SLAMF1: variants seen among roughly 807,000 people sequenced by gnomAD.
SLAMF1 encodes the protein signaling lymphocytic activation molecule.
SLAMF1 carries 18 observed loss-of-function variants against 35.1 expected under a neutral mutation model. The ratio of observed to expected loss-of-function variants is 0.51; its 90% CI spans 0.35 to 0.76. The LOEUF (loss-of-function observed/expected upper bound fraction) is 0.76, where lower values mean the gene tolerates loss of function less well. Among genes scored for constraint, SLAMF1 ranks in the 30% least tolerant of loss-of-function variants. The pLI is 0.01. For missense variants in SLAMF1, 392 were observed against 413.0 expected, an observed-to-expected ratio of 0.95 and a Z score of 0.44; for synonymous variants, 168 against 157.2, an observed-to-expected ratio of 1.07 and a Z score of -0.51.
chr1:160,612,824 A>T (rs1285269850), intron 5 of SLAMF1, among the ~76,000 whole-genome samples: 1 of 152,134 alleles, frequency 6.6e-6, no homozygotes, highest in Non-Finnish European at 1.5e-5. Context: ...AGCCTCATCC[A>T]TTGTCAGTGC....
chr1:160,615,819 A>G, intron 5 of SLAMF1: 1 of 243,260 alleles, frequency 4.1e-6, no homozygotes. Context: ...TCATGTGAAG[A>G]TGAAGGCAAA....
At chr1:160,619,104 A>G (rs1333782852) in intron 5 of SLAMF1, among the ~76,000 whole-genome samples, 2 of 152,186 alleles carry the variant, frequency 1.3e-5, no homozygotes, top group African/African-American at 4.8e-5. Flanking sequence ...CCAAATGTCC[A>G]GATTCTGGCC....
Position 160,610,665 on chromosome 1 carries a change from A to G in SLAMF1, c.*83T>C. On this transcript the variant is annotated 3_prime_UTR_variant, in exon 7 of 7. Transcript: ENST00000302035. Reference sequence around the variant, plus strand: ...AGACGTGCAGCATGTCTGCCAGAGGAAACTTGGGGCCTGTGGCCAAGTTCA... The same window carrying G: ...AGACGTGCAGCATGTCTGCCAGAGGGAACTTGGGGCCTGTGGCCAAGTTCA... The G allele has an allele frequency of 1.1e-6, 1 of 949,994 alleles. No individual in the cohort carries two copies. The highest frequency in any genetic ancestry group is 1.7e-6 in the Non-Finnish European group (1 of 579,300). 58.8% of individuals were successfully genotyped at this position (949,994 alleles called of 1,614,324 possible).
At chr1:160,632,583 C>T (rs191195700) in intron 3 of SLAMF1, among the ~76,000 whole-genome samples, 40 of 152,202 alleles carry the variant, frequency 2.6e-4, no homozygotes, top group African/African-American at 9.6e-4. Flanking sequence ...TTGGTATGCC[C>T]TAATTAAATT....
chr1:160,610,719 T>A lies in SLAMF1; in HGVS notation c.*29A>T. 1 of 1,589,184 alleles carries A rather than the reference T, an allele frequency of 6.3e-7. No individual in the cohort carries two copies. Among genetic ancestry groups the A allele is most frequent in the Non-Finnish European group, 8.6e-7 (1 of 1,158,076 alleles). The stretch of plus-strand genomic sequence containing the variant: ...TTCATTTTGGTTTTTCCATTTTCCT[T>A]CAGAAAGTCCCTTTGTTGGTCTCTG... On this transcript the variant is annotated 3_prime_UTR_variant, in exon 7 of 7. Coordinates refer to ENST00000302035, the MANE Select transcript of SLAMF1 (RefSeq NM_003037.5).
Position 160,609,719 on chromosome 1 carries a change from A to G in SLAMF1, c.*1029T>C, listed in dbSNP as rs187263372. ...TTCAAAGATTTGAAGCTGTTAGACCAAAATAACTTAATTTTCTACTAGAGG... is the reference window on the plus strand; with the variant it reads ...TTCAAAGATTTGAAGCTGTTAGACCGAAATAACTTAATTTTCTACTAGAGG... On this transcript the variant is annotated 3_prime_UTR_variant, in exon 7 of 7. Transcript: ENST00000302035. 1 of 152,354 alleles carries G rather than the reference A, an allele frequency of 6.6e-6. No homozygotes were observed. The highest frequency in any genetic ancestry group is 6.5e-5 in the Admixed American group (1 of 15,302). The allele number at this position is 152,354 out of a possible 1,614,324, so 9.4% of individuals were successfully genotyped here. A position where few individuals can be genotyped will look rare whatever the true frequency, so the allele number is the denominator to read the frequency against.
chr1:160,646,685 C>T (rs1661054345), intron 1 of SLAMF1, among the ~76,000 whole-genome samples, 185 bp downstream of exon 1: 1 of 152,172 alleles, frequency 6.6e-6, no homozygotes, highest in Non-Finnish European at 1.5e-5. Context: ...TCTTGGAAAC[C>T]CAAGGGCCCA....
At chr1:160,646,013 C>T (rs898926338) in intron 1 of SLAMF1, among the ~76,000 whole-genome samples, 1 of 152,182 alleles carries the variant, frequency 6.6e-6, no homozygotes, top group Non-Finnish European at 1.5e-5. Flanking sequence ...GAGATTCTCA[C>T]CCCACTCACA....
At chr1:160,618,817 G>A (rs1385647612) in intron 5 of SLAMF1, among the ~76,000 whole-genome samples, 2 of 152,114 alleles carry the variant, frequency 1.3e-5, no homozygotes, top group Non-Finnish European at 2.9e-5. Context: ...AGGTGAACCT[G>A]GTTACCTAAA....
chr1:160,622,990 A>C lies in SLAMF1; in HGVS notation c.790+1106T>G, dbSNP rs1570980333. On this transcript the variant is annotated intron_variant, in intron 4 of 6. Coordinates refer to ENST00000302035, the MANE Select transcript of SLAMF1 (RefSeq NM_003037.5). ...GCAGTTTTGTGTGTTGCTAACTTAC[A>C]AGGGACAAATGGTGAATGGGGTTGA... Among the ~76,000 whole-genome samples, 3 of 152,306 alleles carry C rather than the reference A, an allele frequency of 2.0e-5. No homozygotes were observed. In the East Asian group the frequency reaches 5.8e-4, roughly 29 times the overall value.
chr1:160,611,575 T>C (rs577930694), intron 6 of SLAMF1, among the ~76,000 whole-genome samples: 24 of 152,304 alleles, frequency 1.6e-4, no homozygotes, highest in Admixed American at 4.6e-4. Context: ...GCCTCTATCA[T>C]CCTGGGCTCT....
At chr1:160,630,160 G>A (rs922380818) in intron 3 of SLAMF1, among the ~76,000 whole-genome samples, 3 of 152,106 alleles carry the variant, frequency 2.0e-5, no homozygotes, top group African/African-American at 7.2e-5. Flanking sequence ...AGTCATCGAG[G>A]ATGGCAGCAA....
intron 3 of SLAMF1, chr1:160,634,411 C>G: frequency 2.0e-6 from 2 of 984,554 alleles, no homozygotes; most frequent in Non-Finnish European, 2.4e-6. Context: ...GTTTCGTCAA[C>G]TGTGAACTGA....
chr1:160,639,923 CAG>C (rs2102355615), intron 1 of SLAMF1, among the ~76,000 whole-genome samples: 1 of 152,214 alleles, frequency 6.6e-6, no homozygotes, highest in East Asian at 1.9e-4. Flanking sequence ...ATTCCTGTCT[CAG>C]AACTTTTGCT....
chr1:160,612,398 C>G (rs1451394610), intron 6 of SLAMF1, 90 bp downstream of exon 6: 5 of 775,286 alleles, frequency 6.4e-6, no homozygotes, highest in Non-Finnish European at 1.1e-5. Flanking sequence ...GATCCTCTCC[C>G]TCTTCCCACC....
intron 2 of SLAMF1, among the ~76,000 whole-genome samples, chr1:160,636,077 C>T (rs533325077): frequency 6.6e-6 from 1 of 152,290 alleles, no homozygotes; most frequent in East Asian, 1.9e-4. Context: ...GTTGCAGAGA[C>T]CACATTTTCC....
chr1:160,622,204 A>C (rs1659650669), intron 4 of SLAMF1, among the ~76,000 whole-genome samples: 1 of 152,206 alleles, frequency 6.6e-6, no homozygotes, highest in South Asian at 2.1e-4. Flanking sequence ...GTGCAAGAAC[A>C]GGTTTTTAGG....
intron 1 of SLAMF1, among the ~76,000 whole-genome samples, chr1:160,640,607 G>A (rs1052032230): frequency 1.1e-4 from 17 of 151,864 alleles, no homozygotes; most frequent in Non-Finnish European, 1.8e-4. Flanking sequence ...TGAGCTATTG[G>A]AAAATTGGAC....
intron 1 of SLAMF1, among the ~76,000 whole-genome samples, chr1:160,645,552 C>T (rs2102375171): frequency 6.6e-6 from 1 of 152,292 alleles, no homozygotes; most frequent in Middle Eastern, 3.4e-3. Flanking sequence ...TGGAAAAGTC[C>T]AGTTCACAGT....
Sources: gnomAD v4.1 joint callset for allele counts (sites outside exome capture counted in the v4.1 genomes callset) on GRCh38, gnomAD v4.1.1 for gene constraint, MANE v1.5 for transcripts, NCBI Gene and HGNC (gene_info 2026-07-23, HGNC 2026-07-21) for gene names.